Variants in ACOT7 observed in about 807,000 individuals in gnomAD.
The protein encoded by ACOT7 is acyl-CoA thioesterase 7, also known as cytosolic acyl coenzyme A thioester hydrolase.
In ACOT7, 12 loss-of-function variants were observed where a neutral mutation model predicts 40.2. That is an observed-to-expected ratio of 0.30 (90% CI 0.19 to 0.48). ACOT7 has a LOEUF of 0.48. Ranked by LOEUF, ACOT7 falls within the 20% of genes least tolerant of loss-of-function variation. ACOT7 has a pLI of 0.99. For synonymous variants in ACOT7, 228 were observed against 219.5 expected, an observed-to-expected ratio of 1.04 and a Z score of -0.34; for missense variants, 395 against 530.8, an observed-to-expected ratio of 0.74 and a Z score of 2.51.
intron 1 of ACOT7, chr1:6,385,665 A>C: frequency 1.2e-6 from 2 of 1,611,498 alleles, no homozygotes; most frequent in South Asian, 1.1e-5. Context: ...AAGCAGCTTC[A>C]TCCTGCGGTA....
chr1:6,282,622 G>T lies in ACOT7; in HGVS notation c.830-1336C>A. On this transcript the variant is annotated intron_variant, in intron 7 of 8. Coordinates refer to ENST00000361521, the MANE Select transcript of ACOT7 (RefSeq NM_007274.4). The surrounding 1 kb of genome is among the most constrained non-coding windows in gnomAD (Gnocchi z 4.5). ...AGACCCAGAGTGAGAAAGCGGCCAGGTGGTGGCTGTTGGAGGGCGGTTAGC... is the reference window on the plus strand; with the variant it reads ...AGACCCAGAGTGAGAAAGCGGCCAGTTGGTGGCTGTTGGAGGGCGGTTAGC... The T allele has an allele frequency of 1.1e-6, 1 of 916,804 alleles. No homozygotes were observed. The highest frequency in any genetic ancestry group is 1.6e-6 in the Non-Finnish European group (1 of 641,720). The allele number at this position is 916,804 out of a possible 1,614,324, so 56.8% of individuals were successfully genotyped here. A position where few individuals can be genotyped will look rare whatever the true frequency, so the allele number is the denominator to read the frequency against.
chr1:6,371,098 C>T (rs928360406), intron 1 of ACOT7, among the ~76,000 whole-genome samples: 7 of 152,072 alleles, frequency 4.6e-5, no homozygotes, highest in African/African-American at 1.7e-4. Flanking sequence ...CGTGAGCCAC[C>T]GCACCCGGCC....
intron 5 of ACOT7, among the ~76,000 whole-genome samples, chr1:6,326,056 ATGG>A (rs943788695): frequency 2.0e-5 from 3 of 152,332 alleles, no homozygotes; most frequent in Admixed American, 6.5e-5. Context: ...CTCCCAAGGC[ATGG>A]TGGGGGGCAG....
intron 1 of ACOT7, among the ~76,000 whole-genome samples, chr1:6,366,659 C>T (rs1642018287): frequency 7.0e-6 from 1 of 142,734 alleles, no homozygotes; most frequent in African/African-American, 2.5e-5. Context: ...GTAGAACTTA[C>T]TTTTTTTTTT....
Position 6,281,136 on chromosome 1 carries a change from T to C in ACOT7, c.980A>G (p.Gln327Arg), listed in dbSNP as rs776508937. ...GGGCACAGGCAGCGACCTGCCTTCCTGGCTCAGCGACACGTAGGTGAAGAA... is the reference window on the plus strand; with the variant it reads ...GGGCACAGGCAGCGACCTGCCTTCCCGGCTCAGCGACACGTAGGTGAAGAA... ...SAFFTYVSLSQEGRSLPVPQL... is the reference protein window; with the variant it reads ...SAFFTYVSLSREGRSLPVPQL... The change falls in exon 8 of 9, where the codon CAG (glutamine) becomes CGG (arginine). Residue 327 changes from glutamine to arginine, a missense_variant. This residue lies in a region of ACOT7 where 309 missense variants were observed against 470.3 expected (regional missense o/e 0.66). Transcript: ENST00000361521. The C allele has an allele frequency of 3.5e-5, 56 of 1,614,012 alleles. No individual in the cohort carries two copies. The highest frequency in any genetic ancestry group is 4.7e-5 in the Non-Finnish European group (55 of 1,180,034).
intron 1 of ACOT7, among the ~76,000 whole-genome samples, chr1:6,387,499 C>G (rs1642459422): frequency 6.6e-6 from 1 of 152,196 alleles, no homozygotes; most frequent in Non-Finnish European, 1.5e-5. Flanking sequence ...TAACAGACTT[C>G]CCCAGTTATT....
At position 6,306,007 on chromosome 1, in the gene ACOT7, C is replaced by T. The variant is rs1640141727; in HGVS notation, c.713-11027G>A. Among the ~76,000 whole-genome samples the T allele has an allele frequency of 1.3e-5, 2 of 152,082 alleles. No individual in the cohort carries two copies. Among genetic ancestry groups the T allele is most frequent in the South Asian group, 2.1e-4 (1 of 4,806 alleles). On this transcript the variant is annotated intron_variant, in intron 6 of 8. Transcript: ENST00000361521. This position sits in a 1 kb window ranked among gnomAD's most constrained non-coding sequence, Gnocchi z 4.3. ...CTGGAGACCAGCCCGGCCAACACAG[C>T]GAAACCCCGTCTCCACCAAAAAAAT...
chr1:6,349,645 C>T (rs1641530608), intron 2 of ACOT7, 104 bp downstream of exon 2: 2 of 1,110,842 alleles, frequency 1.8e-6, no homozygotes, highest in Non-Finnish European at 2.6e-6. Context: ...GCCCAGTGCA[C>T]AAGGGGAGGG....
At position 6,297,850 on chromosome 1, in the gene ACOT7, A is replaced by C. The variant is rs533163929; in HGVS notation, c.713-2870T>G. On this transcript the variant is annotated intron_variant, in intron 6 of 8. Coordinates refer to ENST00000361521, the MANE Select transcript of ACOT7 (RefSeq NM_007274.4). ...GGTGTTGCCCATTGCTGGTGCTGGG[A>C]GACGAATACCCAGGGGCTTGGGATG... 2.0e-4 allele frequency among the ~76,000 whole-genome samples: 30 copies of C among 152,048 alleles called. 1 individual carries two copies. Among genetic ancestry groups the C allele is most frequent in the African/African-American group, 6.8e-4 (28 of 41,452 alleles).
At chr1:6,367,800 G>A (rs896228836) in intron 1 of ACOT7, among the ~76,000 whole-genome samples, 5 of 152,216 alleles carry the variant, frequency 3.3e-5, no homozygotes, top group Non-Finnish European at 5.9e-5. Context: ...TTTCAGCCCT[G>A]TTTGTGTTAC....
chr1:6,325,432 G>A (rs1640772171), intron 5 of ACOT7, among the ~76,000 whole-genome samples: 1 of 151,792 alleles, frequency 6.6e-6, no homozygotes, highest in Non-Finnish European at 1.5e-5. Flanking sequence ...TCTTTACTGG[G>A]GTTTCATCAA....
chr1:6,301,636 G>GA lies in ACOT7; in HGVS notation c.713-6657dup, dbSNP rs1469592554. Among the ~76,000 whole-genome samples, 1 of 152,200 alleles carries GA rather than the reference G, an allele frequency of 6.6e-6. No homozygotes were observed. Among genetic ancestry groups the GA allele is most frequent in the Non-Finnish European group, 1.5e-5 (1 of 68,040 alleles). On this transcript the variant is annotated intron_variant, in intron 6 of 8. Coordinates refer to ENST00000361521, the MANE Select transcript of ACOT7 (RefSeq NM_007274.4). This position sits in a 1 kb window ranked among gnomAD's most constrained non-coding sequence, Gnocchi z 4.1. ...TTGCTGAATGAATGAATTAATCAAT[G>GA]AATGAATGCAGGTTGACTAACAGGT...
rs186854045 is a variant in ACOT7 at position 6,353,940 on chromosome 1, G to A, written c.144-4074C>T. On this transcript the variant is annotated intron_variant, in intron 1 of 8. Coordinates refer to ENST00000361521, the MANE Select transcript of ACOT7 (RefSeq NM_007274.4). ...CTGGGCCTGGCCCCAAACATCCCCC[G>A]CTCTATCTTCTGCCTGCCGGGTCCT... 4.1e-3 allele frequency among the ~76,000 whole-genome samples: 625 copies of A among 152,156 alleles called. 2 individuals are homozygous for A. Among genetic ancestry groups the A allele is most frequent in the African/African-American group, 0.014 (599 of 41,514 alleles).
At chr1:6,392,778 C>G (rs919320691) in intron 1 of ACOT7, among the ~76,000 whole-genome samples, 11 of 152,122 alleles carry the variant, frequency 7.2e-5, no homozygotes, top group African/African-American at 2.7e-4. Flanking sequence ...CGGCTCTGGG[C>G]ACCTCCCCTC....
At chr1:6,345,195 G>C (rs1641386263) in intron 2 of ACOT7, among the ~76,000 whole-genome samples, 1 of 152,250 alleles carries the variant, frequency 6.6e-6, no homozygotes. Context: ...CCCTGGGACA[G>C]AGACACGAGC....
chr1:6,375,577 A>AAGGATCGCTTGAACCCAGG (rs1642213281), intron 1 of ACOT7, among the ~76,000 whole-genome samples: 1 of 151,996 alleles, frequency 6.6e-6, no homozygotes, highest in Non-Finnish European at 1.5e-5. Context: ...GCTAAGCCAG[A>AAGGATCGCTTGAACCCAGG]AGGATCGCTT....
At chr1:6,372,617 C>A (rs1033061222) in intron 1 of ACOT7, among the ~76,000 whole-genome samples, 1 of 145,822 alleles carries the variant, frequency 6.9e-6, no homozygotes, top group Non-Finnish European at 1.5e-5. Flanking sequence ...GTGGCACGAT[C>A]TTGACTCACT....
chr1:6,393,620 T>C lies in ACOT7; in HGVS notation c.-221A>G. 1 of 331,622 alleles carries C rather than the reference T, an allele frequency of 3.0e-6. No homozygotes were observed. The highest frequency in any genetic ancestry group is 5.2e-6 in the Non-Finnish European group (1 of 193,076). 20.5% of individuals were successfully genotyped at this position (331,622 alleles called of 1,614,324 possible). ...CCGCTTCCAGAAGGTTCGGTGGCGGTTGGGCCGCGCCGGTGCGGGGAAGGC... is the reference window on the plus strand; with the variant it reads ...CCGCTTCCAGAAGGTTCGGTGGCGGCTGGGCCGCGCCGGTGCGGGGAAGGC... On this transcript the variant is annotated 5_prime_UTR_variant, in exon 1 of 9. Transcript: ENST00000361521.
chr1:6,362,504 C>T (rs1641913395), intron 1 of ACOT7, among the ~76,000 whole-genome samples: 2 of 151,786 alleles, frequency 1.3e-5, no homozygotes, highest in Admixed American at 6.6e-5. Context: ...CCTACCCAGG[C>T]AGCCAAGCAT....
Sources: gnomAD v4.1 joint callset for allele counts (sites outside exome capture counted in the v4.1 genomes callset) on GRCh38, gnomAD v4.1.1 for gene constraint, gnomAD v4.1.1 regional missense constraint, Gnocchi (gnomAD v3.1) non-coding constraint, MANE v1.5 for transcripts, NCBI Gene and HGNC (gene_info 2026-07-23, HGNC 2026-07-21) for gene names.